Variants in STAT6 observed in about 807,000 individuals in gnomAD.
STAT6 encodes the protein STAT, interleukin4-induced.
STAT6 carries 45 observed loss-of-function variants against 106.3 expected under a neutral mutation model. The ratio of observed to expected loss-of-function variants is 0.42; its 90% CI spans 0.33 to 0.54. The LOEUF (loss-of-function observed/expected upper bound fraction) is 0.54. STAT6 is among the 20% of genes least tolerant of loss of function. The pLI is 0.06. For synonymous variants in STAT6, 413 were observed against 413.6 expected (o/e 1.00, Z 0.02); for missense variants, 797 against 1,062.2 (o/e 0.75, Z 3.47).
In STAT6 at chr12:57,097,114, G is replaced by A; in HGVS notation, c.2179C>T (p.Pro727Ser). Residue 727 changes from proline to serine, a missense_variant, in exon 20 of 22, where the codon CCC becomes TCC. Pro to Ser is a moderately conservative substitution (Grantham distance 74). Coordinates refer to ENST00000300134, the MANE Select transcript of STAT6 (RefSeq NM_003153.5). ...GGCAGGCTCATCTGGCCCAGGCTGG[G>A]GGGCATCTGCAGGTGAGGCCTGGAA... is the stretch of plus-strand genomic sequence containing the variant. The part of the protein sequence containing the change: ...AFQEPHLQMP[P>S]SLGQMSLPFD... 1 of 1,518,112 alleles carries A rather than the reference G, an allele frequency of 6.6e-7. No individual in the cohort carries two copies. The allele number at this position is 1,518,112 out of a possible 1,614,324, so 94.0% of individuals were successfully genotyped here.
At chr12:57,109,326 C>T (rs1218832499) in intron 1 of STAT6, among the ~76,000 whole-genome samples, 1 of 152,198 alleles carries the variant, frequency 6.6e-6, no homozygotes, top group Non-Finnish European at 1.5e-5. Context: ...AGGCATTACA[C>T]TCAGTGTATT....
At chr12:57,108,673 T>C (rs2034418409) in intron 1 of STAT6, among the ~76,000 whole-genome samples, 1 of 152,142 alleles carries the variant, frequency 6.6e-6, no homozygotes, top group Admixed American at 6.5e-5. Flanking sequence ...AAAATATGAG[T>C]GTTAGATGAG....
chr12:57,105,433 T>C lies in STAT6; in HGVS notation c.812+35A>G, dbSNP rs200662699. The C allele has an allele frequency of 1.4e-4, 218 of 1,611,184 alleles. 1 individual carries two copies. Among genetic ancestry groups the C allele is most frequent in the Non-Finnish European group, 2.8e-5 (33 of 1,177,896 alleles). On this transcript the variant is annotated intron_variant, in intron 8 of 21. Coordinates refer to ENST00000300134, the MANE Select transcript of STAT6 (RefSeq NM_003153.5). ...GCCCCCTTCTTTTCTTCCCGAGGTC[T>C]GTTCTAGGCCAGACTGGGAGCTCCC...
intron 4 of STAT6, 52 bp from the exon 5 acceptor site, chr12:57,106,883 A>G: frequency 6.2e-7 from 1 of 1,605,826 alleles, no homozygotes; most frequent in South Asian, 1.1e-5. Context: ...TCATCCCTCT[A>G]TACCTGGCCT....
At chr12:57,100,890 G>C (rs1474762639) in intron 13 of STAT6, 1 of 455,690 alleles carries the variant, frequency 2.2e-6, no homozygotes, top group South Asian at 1.6e-5. Flanking sequence ...CTGAGCATCA[G>C]ATTCCTCATC....
rs1186070377 is a variant in STAT6, at chr12:57,105,306, T to C, written c.846A>G (p.Val282=). ...CFLVEKQPPQ[V]LKTQTKFQAG... is the part of the protein sequence containing the mutation. ...CCTGGAACTTGGTCTGAGTCTTCAG[T>C]ACCTGGGGGGGCTGCTTCTCCACCA... The change falls in exon 9 of 22, where the codon GTA becomes GTG. Residue 282 remains valine (V), a synonymous_variant. Transcript: ENST00000300134. 3.1e-6 allele frequency: 5 copies of C among 1,614,112 alleles called. No individual in the cohort carries two copies. Among genetic ancestry groups the C allele is most frequent in the African/African-American group, 1.3e-5 (1 of 75,030 alleles).
intron 1 of STAT6, chr12:57,110,335 G>A (rs962975557): frequency 2.0e-5 from 3 of 152,314 alleles, no homozygotes; most frequent in Non-Finnish European, 4.4e-5. Flanking sequence ...CCCCTTGAAG[G>A]GGAAGGGAGG....
chr12:57,108,970 G>A (rs3024948), intron 1 of STAT6, among the ~76,000 whole-genome samples: 4,651 of 152,192 alleles, frequency 0.031, 196 homozygotes, highest in African/African-American at 0.091. Flanking sequence ...AGGCCGAGGC[G>A]GGCAGATCAC....
chr12:57,104,203 G>A (rs2034130020), intron 11 of STAT6: 9 of 472,766 alleles, frequency 1.9e-5, no homozygotes, highest in South Asian at 5.1e-5. Flanking sequence ...GTGCTGGCAC[G>A]CATGTGCGTA....
chr12:57,098,203 A>T (rs950563831), intron 19 of STAT6, among the ~76,000 whole-genome samples: 2 of 152,152 alleles, frequency 1.3e-5, no homozygotes, highest in African/African-American at 4.8e-5. Context: ...AGTGTTATGA[A>T]CTCATTTAAT....
chr12:57,107,610 G>T lies in STAT6; in HGVS notation c.250C>A (p.Leu84Ile). ...CCCCTCCCCTCCTGCCCCACCTCAAGGGTGCTGATGTGTTGCAAGATGGTG... is the reference window on the plus strand; with the variant it reads ...CCCCTCCCCTCCTGCCCCACCTCAATGGTGCTGATGTGTTGCAAGATGGTG... Reference protein sequence around the residue: ...GSTILQHISTLESIYQRDPLK... With the variant: ...GSTILQHISTIESIYQRDPLK... Residue 84 changes from leucine (L) to isoleucine (I), a missense_variant, in exon 3 of 22, where the codon CTT becomes ATT. By Grantham distance (5) the Leu-to-Ile change is conservative. This residue lies in a region of STAT6 where 336 missense variants were observed against 429.8 expected (regional missense o/e 0.78). Transcript: ENST00000300134. 1 of 1,613,578 alleles carries T rather than the reference G, an allele frequency of 6.2e-7. No individual in the cohort carries two copies.
At position 57,102,482 on chromosome 12, in the gene STAT6, A is replaced by G. The variant is rs2033991685; in HGVS notation, c.1320T>C (p.Phe440=). 2.5e-6 allele frequency: 4 copies of G among 1,613,630 alleles called. No individual in the cohort carries two copies. The East Asian group carries it at 8.9e-5, about 36-fold the overall frequency. The change falls in exon 13 of 22, where the codon TTT becomes TTC. Residue 440 remains phenylalanine (F), a synonymous_variant. Transcript: ENST00000300134. Reference sequence around the variant, plus strand: ...CCCAGGGCACCCGCTCAGCCACCACAAAGGGCACGCGGTCCTGGGGAGAAG... The same window carrying G: ...CCCAGGGCACCCGCTCAGCCACCACGAAGGGCACGCGGTCCTGGGGAGAAG... ...NAFSEMDRVP[F]VVAERVPWEK...
In STAT6 at chr12:57,106,513, C is replaced by T; in HGVS notation, c.531+15G>A. 6.2e-7 allele frequency: 1 copy of T among 1,613,878 alleles called. No individual in the cohort carries two copies. Among genetic ancestry groups the T allele is most frequent in the Non-Finnish European group, 8.5e-7 (1 of 1,179,888 alleles). On this transcript the variant is annotated intron_variant, in intron 6 of 21. Transcript: ENST00000300134. ...CACTTTGACCAAGGTCTCCACCTGT[C>T]AGCCCATTACTCACCTCACTTGGCC...
At chr12:57,102,778 T>C (rs756759841) in intron 12 of STAT6, 51 bp downstream of exon 12, 1 of 1,483,152 alleles carries the variant, frequency 6.7e-7, no homozygotes, top group South Asian at 1.1e-5. Flanking sequence ...CCACTGCCCA[T>C]GTTAGAACCC....
chr12:57,106,406 C>T, intron 6 of STAT6, 67 bp from the exon 7 acceptor site: 2 of 1,608,792 alleles, frequency 1.2e-6, no homozygotes, highest in South Asian at 1.1e-5. Flanking sequence ...TGGGATACGG[C>T]TCTTTTTCTC....
At chr12:57,108,007 T>C (rs1434153583) in intron 2 of STAT6, among the ~76,000 whole-genome samples, 156 bp downstream of exon 2, 1 of 152,202 alleles carries the variant, frequency 6.6e-6, no homozygotes, top group Non-Finnish European at 1.5e-5. Flanking sequence ...TAGCCTGGTC[T>C]TGATGGGGCA....
Position 57,099,439 on chromosome 12 carries a change from G to A in STAT6, c.1746C>T (p.Gly582=), listed in dbSNP as rs777179949. 1.9e-6 allele frequency: 3 copies of A among 1,614,176 alleles called. No homozygotes were observed. The highest frequency in any genetic ancestry group is 1.7e-5 in the Admixed American group (1 of 60,032). ...GCTGGATGTTCTCTATCTGTGGAGAGCCTATGGTAGGAAGGAGACCCTGAG... is the reference window on the plus strand; with the variant it reads ...GCTGGATGTTCTCTATCTGTGGAGAACCTATGGTAGGAAGGAGACCCTGAG... The part of the protein sequence containing the change: ...TIAHVIRGQD[G]SPQIENIQPF... Residue 582 remains glycine (G), a splice_region_variant and synonymous_variant, in exon 16 of 22, where the codon GGC becomes GGT. Coordinates refer to ENST00000300134, the MANE Select transcript of STAT6 (RefSeq NM_003153.5). The surrounding 1 kb of genome is among the most constrained non-coding windows in gnomAD (Gnocchi z 4.7).
At position 57,107,438 on chromosome 12, in the gene STAT6, T is replaced by C. The variant is rs1239733924; in HGVS notation, c.256-124A>G. 3 of 1,295,790 alleles carry C rather than the reference T, an allele frequency of 2.3e-6. No homozygotes were observed. In the African/African-American group the frequency reaches 4.5e-5, roughly 19 times the overall value. The allele number at this position is 1,295,790 out of a possible 1,614,324, so 80.3% of individuals were successfully genotyped here. A position where few individuals can be genotyped will look rare whatever the true frequency, so the allele number is the denominator to read the frequency against. On this transcript the variant is annotated intron_variant, in intron 3 of 21. Coordinates refer to ENST00000300134, the MANE Select transcript of STAT6 (RefSeq NM_003153.5). The stretch of plus-strand genomic sequence containing the variant: ...AGCACAACTGTAGACTCCAGAAGTT[T>C]TTGTGCATTTGCATGCTTTTAAAAT...
chr12:57,102,690 G>T, intron 12 of STAT6, 139 bp downstream of exon 12: 1 of 899,960 alleles, frequency 1.1e-6, no homozygotes, highest in Non-Finnish European at 1.7e-6. Context: ...GAGGTCAGAA[G>T]CACGAAAGCA....
Sources: gnomAD v4.1 joint callset for allele counts (sites outside exome capture counted in the v4.1 genomes callset) on GRCh38, gnomAD v4.1.1 for gene constraint, gnomAD v4.1.1 regional missense constraint, Gnocchi (gnomAD v3.1) non-coding constraint, MANE v1.5 for transcripts, NCBI Gene and HGNC (gene_info 2026-07-23, HGNC 2026-07-21) for gene names.